COL4A4: variants seen among roughly 807,000 people sequenced by gnomAD.
COL4A4 encodes the protein collagen type IV alpha 4 chain.
COL4A4 carries 105 observed loss-of-function variants against 192.9 expected under a neutral mutation model. The observed-to-expected ratio is 0.54, with a 90% confidence interval of 0.46 to 0.64. COL4A4 has a LOEUF of 0.64. Ranked by LOEUF, COL4A4 falls within the 30% of genes least tolerant of loss-of-function variation. The pLI, the probability that COL4A4 is intolerant of heterozygous loss-of-function variation, is 0.00. For synonymous variants in COL4A4, 762 were observed against 769.9 expected (o/e 0.99, Z 0.17); for missense variants, 1,967 against 2,169.3 (o/e 0.91, Z 1.85).
At chr2:227,094,318 C>G in intron 19 of COL4A4, 29 bp from the exon 20 acceptor site, 1 of 1,604,698 alleles carries the variant, frequency 6.2e-7, no homozygotes, top group Non-Finnish European at 8.5e-7. Context: ...ATGAAAATTA[C>G]ATATACTCTC....
intron 26 of COL4A4, 42 bp downstream of exon 26, chr2:227,062,486 TAC>T (rs1576237047): frequency 1.7e-6 from 2 of 1,158,414 alleles, no homozygotes; most frequent in Non-Finnish European, 1.3e-6. Context: ...TTTTTTTTTT[TAC>T]TCTGGGAAGT....
At chr2:227,026,458 C>G (rs1421428171) in intron 42 of COL4A4, among the ~76,000 whole-genome samples, 1 of 150,402 alleles carries the variant, frequency 6.6e-6, no homozygotes, top group Admixed American at 6.6e-5. Flanking sequence ...GAGATCGCAC[C>G]ACTGCACTCC....
chr2:227,138,953 ACAGAC>A (rs1264514609), intron 4 of COL4A4, among the ~76,000 whole-genome samples: 1 of 152,186 alleles, frequency 6.6e-6, no homozygotes, highest in East Asian at 1.9e-4. Context: ...GAACACTGTT[ACAGAC>A]TGAATGTTTG....
intron 25 of COL4A4, 151 bp downstream of exon 25, chr2:227,077,742 AC>A (rs2059109751): frequency 1.5e-6 from 1 of 674,460 alleles, no homozygotes; most frequent in African/African-American, 1.8e-5. Flanking sequence ...GTCTAGGGAT[AC>A]AAAAATCTAC....
Position 227,043,122 on chromosome 2 carries a change from C to T in COL4A4, c.3352G>A (p.Gly1118Arg), listed in dbSNP as rs77170039. Residue 1118 changes from glycine to arginine, a missense_variant, in exon 36 of 48, where the codon GGA becomes AGA. By Grantham distance (125) the Gly-to-Arg change is moderately radical. Transcript: ENST00000396625. ...PGIQGPRGSP[G>R]RPGPPGSSGP... ...GAGGAGCCAGGTGGCCCTGGCCTTC[C>T]AGGTGATCCTCTGGGCCCTTGAATA... The T allele has an allele frequency of 1.2e-6, 2 of 1,614,048 alleles. No homozygotes were observed. The highest frequency in any genetic ancestry group is 4.5e-5 in the East Asian group (2 of 44,868).
the COL4A4 span, among the ~76,000 whole-genome samples, chr2:226,968,022 TCTCATA>T: frequency 2.0e-5 from 3 of 152,212 alleles, no homozygotes; most frequent in Admixed American, 6.5e-5. Flanking sequence ...GTTTTACTTA[TCTCATA>T]GGAGGGTGAA....
At chr2:227,007,880 A>T in intron 47 of COL4A4, 138 bp downstream of exon 47, 1 of 1,071,156 alleles carries the variant, frequency 9.3e-7, no homozygotes, top group Non-Finnish European at 1.4e-6. Context: ...CCAACAGGCT[A>T]TGGTTTGCAA....
chr2:227,031,897 C>T (rs1222549535), intron 40 of COL4A4, 48 bp downstream of exon 40: 3 of 1,311,652 alleles, frequency 2.3e-6, no homozygotes, highest in African/African-American at 2.9e-5. Flanking sequence ...GAGCTGGCAG[C>T]ATCTAACAAA....
At chr2:226,992,039 G>A in the COL4A4 span, among the ~76,000 whole-genome samples, 2 of 152,208 alleles carry the variant, frequency 1.3e-5, no homozygotes, top group African/African-American at 4.8e-5. Context: ...ACAAATGTGA[G>A]TACATATCAG....
rs778254234 is a variant in COL4A4 at position 227,094,265 on chromosome 2, T to C, written c.1229A>G (p.Gln410Arg). 3 of 1,613,732 alleles carry C rather than the reference T, an allele frequency of 1.9e-6. No individual in the cohort carries two copies. The African/African-American group carries it at 4.0e-5, about 22-fold the overall frequency. Residue 410 changes from glutamine (Q) to arginine (R), a missense_variant, in exon 20 of 48, where the codon CAA becomes CGA. Coordinates refer to ENST00000396625, the MANE Select transcript of COL4A4 (RefSeq NM_000092.5). Reference protein sequence around the residue: ...CAGMIGPPGPQGFPGLPGLPG... With the variant: ...CAGMIGPPGPRGFPGLPGLPG... ...AAGCCCAGGAAGACCAGGAAATCCT[T>C]GTGGCCCAGGGGGTCCTATCATGCC...
chr2:227,019,705 T>G (rs548644096), intron 44 of COL4A4, among the ~76,000 whole-genome samples: 2 of 152,370 alleles, frequency 1.3e-5, no homozygotes, highest in South Asian at 4.1e-4. Context: ...TTCACTCTTG[T>G]TGCCCAGGCT....
chr2:227,111,904 CCTT>C (rs1280835027), intron 8 of COL4A4, among the ~76,000 whole-genome samples, 191 bp from the exon 9 acceptor site: 1 of 152,146 alleles, frequency 6.6e-6, no homozygotes, highest in Non-Finnish European at 1.5e-5. Flanking sequence ...TCTGAATTCT[CCTT>C]CTACCCAACA....
intron 46 of COL4A4, among the ~76,000 whole-genome samples, chr2:227,009,716 A>AAAGAG (rs1308273541): frequency 8.7e-4 from 42 of 48,246 alleles, no homozygotes; most frequent in African/African-American, 3.7e-3. Context: ...AAAAAGAGGA[A>AAAGAG]AAGAGAAGAG....
chr2:227,010,069 C>T (rs1249084479), intron 46 of COL4A4, among the ~76,000 whole-genome samples: 1 of 151,936 alleles, frequency 6.6e-6, no homozygotes, highest in Non-Finnish European at 1.5e-5. Context: ...TTATTATTAG[C>T]CAGATAATAA....
chr2:226,991,397 G>T, the COL4A4 span, among the ~76,000 whole-genome samples: 2 of 152,162 alleles, frequency 1.3e-5, no homozygotes, highest in African/African-American at 4.8e-5. Context: ...GGCCCGGATG[G>T]TCTCAATCTC....
chr2:227,020,677 G>C (rs564921510), intron 44 of COL4A4, among the ~76,000 whole-genome samples: 108 of 152,014 alleles, frequency 7.1e-4, no homozygotes, highest in Non-Finnish European at 1.3e-3. Flanking sequence ...AGTGAGGGGG[G>C]GTGAAAGGAG....
At position 227,122,932 on chromosome 2, in the gene COL4A4, G is replaced by A. The variant is rs187991395; in HGVS notation, c.193-1784C>T. ...CAGGCTGGAGTGCAGTGGTGTGATCGCGGCTCACTGCAGCCTCCACCTCCC... is the reference window on the plus strand; with the variant it reads ...CAGGCTGGAGTGCAGTGGTGTGATCACGGCTCACTGCAGCCTCCACCTCCC... On this transcript the variant is annotated intron_variant, in intron 4 of 47. Coordinates refer to ENST00000396625, the MANE Select transcript of COL4A4 (RefSeq NM_000092.5). 7.2e-3 allele frequency among the ~76,000 whole-genome samples: 1,098 copies of A among 151,864 alleles called. 37 individuals carry two copies. Among genetic ancestry groups the A allele is most frequent in the Admixed American group, 0.063 (953 of 15,228 alleles).
rs768161234 is a variant in COL4A4 at position 227,051,010 on chromosome 2, C to T, written c.3117G>A (p.Gly1039=). ...PGPPGSTGLR[G]FIGFPGLPGD... The stretch of plus-strand genomic sequence containing the variant: ...CTGGAAGTCCTGGAAAACCAATGAA[C>T]CCTCTTAGACCAGTTGAGCCTGGAG... The change falls in exon 33 of 48, where the codon GGG becomes GGA. Residue 1039 remains glycine, a synonymous_variant. Coordinates refer to ENST00000396625, the MANE Select transcript of COL4A4 (RefSeq NM_000092.5). 9 of 1,614,106 alleles carry T rather than the reference C, an allele frequency of 5.6e-6. No individual in the cohort carries two copies. Among genetic ancestry groups the T allele is most frequent in the Non-Finnish European group, 1.7e-6 (2 of 1,180,046 alleles).
rs2229812 is a variant in COL4A4, at chr2:227,032,170, C to T, written c.3684G>A (p.Lys1228=). 0.44 allele frequency: 716,844 copies of T among 1,613,548 alleles called. 161,616 individuals carry two copies. Among genetic ancestry groups the T allele is most frequent in the South Asian group, 0.57 (51,827 of 91,066 alleles). Residue 1228 remains lysine, a synonymous_variant, in exon 39 of 48, where the codon AAG becomes AAA. Coordinates refer to ENST00000396625, the MANE Select transcript of COL4A4 (RefSeq NM_000092.5). ...TACCTGGGGGTCCTGGGGGACCTTT[C>T]TTTCCACGAGGACCTGGAGGAGAGA... ...PGISPPGPRG[K]KGPPGPPGSS...
Sources: gnomAD v4.1 joint callset for allele counts (sites outside exome capture counted in the v4.1 genomes callset) on GRCh38, gnomAD v4.1.1 for gene constraint, MANE v1.5 for transcripts, NCBI Gene and HGNC (gene_info 2026-07-23, HGNC 2026-07-21) for gene names.